Variants in EDARADD observed in about 807,000 individuals in gnomAD.
EDARADD encodes EDAR associated via death domain.
In EDARADD, 20 loss-of-function variants were observed where a neutral mutation model predicts 25.6. That is an observed-to-expected ratio of 0.78 (90% CI 0.55 to 1.14). EDARADD has a LOEUF of 1.14. Ranked by LOEUF, EDARADD falls within the 50% of genes most tolerant of loss-of-function variation. The probability of loss-of-function intolerance (pLI) is 0.00; values close to 1 mark genes in which losing one functional copy is unlikely to be tolerated. For missense variants in EDARADD, 225 were observed against 270.1 expected (o/e 0.83, Z 1.17); for synonymous variants, 86 against 94.4 (o/e 0.91, Z 0.52).
chr1:236,466,204 C>T (rs1659181134), intron 4 of EDARADD, among the ~76,000 whole-genome samples: 1 of 152,212 alleles, frequency 6.6e-6, no homozygotes, highest in African/African-American at 2.4e-5. Context: ...AAAGAGCCCA[C>T]ATACCTGCCC....
chr1:236,472,548 A>T (rs1376730129), intron 5 of EDARADD, among the ~76,000 whole-genome samples: 1 of 152,066 alleles, frequency 6.6e-6, no homozygotes, highest in Non-Finnish European at 1.5e-5. Context: ...CTTGTTTTTG[A>T]GATGGGGTCT....
At chr1:236,353,934 A>G (rs1034923912) in intron 3 of EDARADD, among the ~76,000 whole-genome samples, 4 of 152,082 alleles carry the variant, frequency 2.6e-5, no homozygotes, top group African/African-American at 7.2e-5. Context: ...TCATGTATCT[A>G]TGGGAGTTCA....
intron 1 of EDARADD, among the ~76,000 whole-genome samples, chr1:236,396,385 T>C (rs1388432529): frequency 6.6e-6 from 1 of 152,224 alleles, no homozygotes; most frequent in African/African-American, 2.4e-5. Flanking sequence ...CGTGGGTGTT[T>C]CTTGAACACA....
chr1:236,416,513 T>C (rs1657645305), intron 3 of EDARADD, among the ~76,000 whole-genome samples: 2 of 152,248 alleles, frequency 1.3e-5, no homozygotes, highest in African/African-American at 4.8e-5. Context: ...AATTGTATTA[T>C]CAGATTTCTC....
At chr1:236,480,067 T>TATAATC (rs1204566058) in intron 5 of EDARADD, among the ~76,000 whole-genome samples, 2 of 138,620 alleles carry the variant, frequency 1.4e-5, no homozygotes, top group Non-Finnish European at 1.5e-5. Flanking sequence ...AAATCCCTAA[T>TATAATC]ATAATCTCAG....
At chr1:236,471,605 T>C (rs1335664809) in intron 5 of EDARADD, among the ~76,000 whole-genome samples, 2 of 152,200 alleles carry the variant, frequency 1.3e-5, no homozygotes, top group Admixed American at 1.3e-4. Flanking sequence ...AGAGTTATTT[T>C]ATTTCAGAAC....
At chr1:236,472,953 G>T (rs1029234057) in intron 5 of EDARADD, among the ~76,000 whole-genome samples, 8 of 152,114 alleles carry the variant, frequency 5.3e-5, no homozygotes, top group Non-Finnish European at 1.2e-4. Context: ...ACTTGCATCA[G>T]CTGGTTTGAC....
At chr1:236,409,305 A>G in intron 2 of EDARADD, 31 bp downstream of exon 2, 1 of 1,557,484 alleles carries the variant, frequency 6.4e-7, no homozygotes, top group Non-Finnish European at 8.9e-7. Flanking sequence ...TAATGGTGAT[A>G]ATTATTGTTT....
chr1:236,444,817 C>T (rs1658490414), intron 4 of EDARADD, among the ~76,000 whole-genome samples: 1 of 152,216 alleles, frequency 6.6e-6, no homozygotes, highest in Admixed American at 6.5e-5. Context: ...CTGCCCCCAG[C>T]AGCCAACCCC....
At chr1:236,352,545 GAAATA>G (rs1666928614) in intron 3 of EDARADD, among the ~76,000 whole-genome samples, 1 of 151,986 alleles carries the variant, frequency 6.6e-6, no homozygotes, top group African/African-American at 2.4e-5. Context: ...ATATCTACAA[GAAATA>G]AAATAAATTA....
rs191328915 is a variant in EDARADD, at chr1:236,395,105, G to C, written c.61+600G>C. ...CCGGCGGGCATCTCAGCCCAGGCCT[G>C]TGTAAGGGGAGTTCTGGTGTCTCAG... On this transcript the variant is annotated intron_variant, in intron 1 of 5. Transcript: ENST00000334232. The surrounding 1 kb of genome is among the most constrained non-coding windows in gnomAD (Gnocchi z 6.9). Among the ~76,000 whole-genome samples the C allele has an allele frequency of 4.5e-3, 679 of 152,368 alleles. 8 individuals are homozygous for C. Among genetic ancestry groups the C allele is most frequent in the African/African-American group, 0.016 (648 of 41,582 alleles).
At chr1:236,410,461 A>C (rs999818664) in intron 2 of EDARADD, among the ~76,000 whole-genome samples, 1 of 151,644 alleles carries the variant, frequency 6.6e-6, no homozygotes, top group Non-Finnish European at 1.5e-5. Context: ...TTATTTTTCA[A>C]CCTCCCAAGA....
intron 3 of EDARADD, among the ~76,000 whole-genome samples, chr1:236,423,443 T>C (rs188808279): frequency 1.3e-5 from 2 of 152,288 alleles, no homozygotes; most frequent in Non-Finnish European, 2.9e-5. Context: ...TTGTGAGTAC[T>C]GTATTCCGTG....
rs1001320390 is a variant in EDARADD, at chr1:236,437,852, G to A, written c.219+10402G>A. On this transcript the variant is annotated intron_variant, in intron 4 of 5. Coordinates refer to ENST00000334232, the MANE Select transcript of EDARADD (RefSeq NM_145861.4). ...CGACCTTTGCCTCCTGGGTTCAAGC[G>A]ATTCTCCCGCCTCAGCCTTCTGAGC... 3.3e-5 allele frequency among the ~76,000 whole-genome samples: 5 copies of A among 149,568 alleles called. No homozygotes were observed. The South Asian group carries it at 8.5e-4, about 26-fold the overall frequency.
intron 4 of EDARADD, among the ~76,000 whole-genome samples, chr1:236,430,469 G>C (rs1318464899): frequency 6.6e-6 from 1 of 152,126 alleles, no homozygotes; most frequent in East Asian, 1.9e-4. Flanking sequence ...TTAGCACACT[G>C]TTCAGCATTT....
chr1:236,362,339 A>G (rs538523139), intron 3 of EDARADD, among the ~76,000 whole-genome samples: 1 of 152,278 alleles, frequency 6.6e-6, no homozygotes, highest in South Asian at 2.1e-4. Flanking sequence ...CTTGCCACCC[A>G]TATATCTTTC....
intron 5 of EDARADD, among the ~76,000 whole-genome samples, chr1:236,474,065 G>A (rs976629254): frequency 6.6e-6 from 1 of 152,132 alleles, no homozygotes; most frequent in African/African-American, 2.4e-5. Context: ...GGAGTCTGAC[G>A]TTCCTAGAGG....
At position 236,483,447 on chromosome 1, in the gene EDARADD, A is replaced by G. The variant is rs1571964559; in HGVS notation, c.*798A>G. 11 of 1,049,960 alleles carry G rather than the reference A, an allele frequency of 1.0e-5. No individual in the cohort carries two copies. In the Admixed American group the frequency reaches 1.7e-4, roughly 16 times the overall value. The allele number at this position is 1,049,960 out of a possible 1,614,324, so 65.0% of individuals were successfully genotyped here. On this transcript the variant is annotated 3_prime_UTR_variant, in exon 6 of 6. Transcript: ENST00000334232. ...ACAAGAGAAGATTGACAAACTTATGATAGAGATGGATGGAACAGAAAATAA... is the reference window on the plus strand; with the variant it reads ...ACAAGAGAAGATTGACAAACTTATGGTAGAGATGGATGGAACAGAAAATAA...
At chr1:236,418,120 A>G (rs1657688899) in intron 3 of EDARADD, among the ~76,000 whole-genome samples, 1 of 148,704 alleles carries the variant, frequency 6.7e-6, no homozygotes, top group African/African-American at 2.5e-5. Context: ...CGCCCAGCTA[A>G]TTTTTTGTAT....
Sources: gnomAD v4.1 joint callset for allele counts (sites outside exome capture counted in the v4.1 genomes callset) on GRCh38, gnomAD v4.1.1 for gene constraint, Gnocchi (gnomAD v3.1) non-coding constraint, MANE v1.5 for transcripts, NCBI Gene and HGNC (gene_info 2026-07-23, HGNC 2026-07-21) for gene names.